Variants in ZFHX3 observed in about 807,000 individuals in gnomAD.
The protein encoded by ZFHX3 is zinc finger homeobox 3.
In ZFHX3, 42 loss-of-function variants were observed where a neutral mutation model predicts 279.1. That is an observed-to-expected ratio of 0.15 (90% CI 0.12 to 0.19). The LOEUF (loss-of-function observed/expected upper bound fraction) is 0.19, where lower values mean the gene tolerates loss of function less well. ZFHX3 is among the 10% of genes least tolerant of loss of function. The pLI, the probability that ZFHX3 is intolerant of heterozygous loss-of-function variation, is 1.00. For synonymous variants in ZFHX3, 2,293 were observed against 1,957.8 expected (o/e 1.17, Z -4.52); for missense variants, 4,981 against 4,754.0 (o/e 1.05, Z -1.40).
At chr16:73,002,164 G>A (rs1963520143) in intron 1 of ZFHX3, among the ~76,000 whole-genome samples, 1 of 152,138 alleles carries the variant, frequency 6.6e-6, no homozygotes, top group Non-Finnish European at 1.5e-5. Flanking sequence ...TAACGGACAT[G>A]GAACTCAAAC....
intron 1 of ZFHX3, chr16:73,005,503 A>G (rs1963669488): frequency 6.6e-6 from 1 of 152,262 alleles, no homozygotes. Flanking sequence ...TCAAAAAAAG[A>G]AAAAAGTTGG....
chr16:73,690,037 T>C (rs1450901517), intron 1 of ZFHX3, among the ~76,000 whole-genome samples: 1 of 152,124 alleles, frequency 6.6e-6, no homozygotes, highest in Non-Finnish European at 1.5e-5. Flanking sequence ...TGCCTCAGCC[T>C]CCTGAGTAGC....
At chr16:73,558,324 A>G (rs889922878) in intron 2 of ZFHX3, 2 of 152,250 alleles carry the variant, frequency 1.3e-5, no homozygotes, top group Admixed American at 1.3e-4. Flanking sequence ...TCCCCTATAA[A>G]TGAGGACAAC....
intron 2 of ZFHX3, among the ~76,000 whole-genome samples, chr16:73,586,642 A>G (rs2051930001): frequency 6.6e-6 from 1 of 152,188 alleles, no homozygotes; most frequent in African/African-American, 2.4e-5. Context: ...AAAAATTGAT[A>G]GGATTACCAG....
At chr16:72,977,326 G>C (rs1463489538) in intron 1 of ZFHX3, among the ~76,000 whole-genome samples, 1 of 152,124 alleles carries the variant, frequency 6.6e-6, no homozygotes, top group Non-Finnish European at 1.5e-5. Context: ...CTGAGGGTTG[G>C]CGGGTTGACA....
intron 2 of ZFHX3, among the ~76,000 whole-genome samples, chr16:73,662,033 T>C (rs899881): frequency 0.014 from 2,019 of 147,594 alleles, 45 homozygotes; most frequent in African/African-American, 0.046. Flanking sequence ...GAAAGAATCA[T>C]GTTACACAAG....
At chr16:73,233,297 G>A (rs2144933496) in intron 5 of ZFHX3, among the ~76,000 whole-genome samples, 1 of 152,076 alleles carries the variant, frequency 6.6e-6, no homozygotes, top group South Asian at 2.1e-4. Context: ...GTATGCCAGG[G>A]TATACAGTGA....
chr16:73,149,488 G>T (rs1174993050), intron 5 of ZFHX3, among the ~76,000 whole-genome samples: 3 of 152,046 alleles, frequency 2.0e-5, no homozygotes, highest in African/African-American at 7.2e-5. Flanking sequence ...CACATCTGTT[G>T]TGTGCCAAAG....
chr16:73,560,039 C>T (rs9938554), intron 2 of ZFHX3, among the ~76,000 whole-genome samples: 4,210 of 152,216 alleles, frequency 0.028, 130 homozygotes, highest in African/African-American at 0.079. Flanking sequence ...ACATTTCATC[C>T]ACTAAAGACC....
In ZFHX3 at chr16:73,598,676, A is replaced by G. The variant is rs202101541; in HGVS notation, c.-1547+81504T>C. ...CTCAAGCAATCTTCCCATCTCAGAC[A>G]CCAAATGTGTTGGGATTACAGGCAT... On this transcript the variant is annotated intron_variant, in intron 2 of 17. Transcript: ENST00000641206. Among the ~76,000 whole-genome samples, 9 of 151,982 alleles carry G rather than the reference A, an allele frequency of 5.9e-5. No homozygotes were observed. In the East Asian group the frequency reaches 1.5e-3, roughly 26 times the overall value.
Position 73,367,297 on chromosome 16 carries a change from T to C in ZFHX3, c.-1290-48961A>G, listed in dbSNP as rs907036441. ...ATCCCATGAGGCTATTGAACCAAGA[T>C]GGCTCACCGCCCAGAAGACCACATG... On this transcript the variant is annotated intron_variant, in intron 3 of 17. Transcript: ENST00000641206. Among the ~76,000 whole-genome samples the C allele has an allele frequency of 2.6e-5, 4 of 152,196 alleles. No homozygotes were observed. The East Asian group carries it at 7.7e-4, about 29-fold the overall frequency.
intron 7 of ZFHX3, among the ~76,000 whole-genome samples, chr16:72,806,751 G>C (rs2036278710): frequency 6.6e-6 from 1 of 152,096 alleles, no homozygotes; most frequent in Non-Finnish European, 1.5e-5. Context: ...GAGATACCGA[G>C]AAAAGTGCAG....
intron 2 of ZFHX3, among the ~76,000 whole-genome samples, chr16:73,472,675 C>T (rs1370623883): frequency 6.6e-6 from 1 of 152,198 alleles, no homozygotes; most frequent in Non-Finnish European, 1.5e-5. Flanking sequence ...TGCTTGTCTT[C>T]AGCTGGGTTT....
intron 2 of ZFHX3, among the ~76,000 whole-genome samples, chr16:73,473,354 A>AC (rs1567494413): frequency 2.6e-4 from 13 of 49,872 alleles, no homozygotes; most frequent in African/African-American, 4.5e-4. Context: ...AAAAAAAAAA[A>AC]AAACAAAAAA....
intron 2 of ZFHX3, among the ~76,000 whole-genome samples, chr16:73,566,047 T>G (rs1474167851): frequency 1.3e-5 from 2 of 152,224 alleles, no homozygotes; most frequent in Non-Finnish European, 2.9e-5. Context: ...TTCCTGCTCA[T>G]GCAGAGCTGT....
rs1597117084 is a variant in ZFHX3 at position 73,033,976 on chromosome 16, T to C, written c.-50+13776A>G. ...TACATTTCACAGTGGCGCTTTCTGCTAGAAGCCAGCAGACAGTTCTCCTTG... is the reference window on the plus strand; with the variant it reads ...TACATTTCACAGTGGCGCTTTCTGCCAGAAGCCAGCAGACAGTTCTCCTTG... On this transcript the variant is annotated intron_variant, in intron 1 of 9. Transcript: ENST00000268489. 2.6e-5 allele frequency among the ~76,000 whole-genome samples: 4 copies of C among 152,272 alleles called. No homozygotes were observed. The East Asian group carries it at 7.7e-4, about 29-fold the overall frequency.
chr16:73,434,031 C>G (rs753280315), intron 3 of ZFHX3, among the ~76,000 whole-genome samples: 2 of 152,204 alleles, frequency 1.3e-5, no homozygotes, highest in Non-Finnish European at 2.9e-5. Flanking sequence ...CTTTGTGGCT[C>G]TGACCTCCCT....
upstream of ZFHX3, among the ~76,000 whole-genome samples, chr16:73,063,330 G>A (rs193137825): frequency 2.0e-5 from 3 of 152,344 alleles, no homozygotes; most frequent in Admixed American, 2.0e-4. Context: ...AGATGAGATA[G>A]GGAGGGAGAA....
intron 2 of ZFHX3, among the ~76,000 whole-genome samples, chr16:73,607,179 C>A (rs894671419): frequency 1.3e-5 from 2 of 152,206 alleles, no homozygotes; most frequent in East Asian, 3.9e-4. Flanking sequence ...CAGGCACCTA[C>A]CACCATGCCT....
Sources: gnomAD v4.1 joint callset for allele counts (sites outside exome capture counted in the v4.1 genomes callset) on GRCh38, gnomAD v4.1.1 for gene constraint, MANE v1.5 for transcripts, NCBI Gene and HGNC (gene_info 2026-07-23, HGNC 2026-07-21) for gene names.